CHST13: variants seen among roughly 807,000 people sequenced by gnomAD.
The protein encoded by CHST13 is carbohydrate sulfotransferase 13.
Under a neutral mutation model 7.0 loss-of-function variants are expected in CHST13, and 1 was observed. The ratio of observed to expected loss-of-function variants is 0.14; its 90% CI spans 0.05 to 0.68. The LOEUF is 0.68. CHST13 is among the 30% of genes least tolerant of loss of function. The pLI is 0.82. For missense variants in CHST13, 572 were observed against 507.9 expected, an observed-to-expected ratio of 1.13 and a Z score of -1.21; for synonymous variants, 257 against 240.9, an observed-to-expected ratio of 1.07 and a Z score of -0.62.
chr3:126,535,792 G>A (rs1268795696), intron 1 of CHST13, among the ~76,000 whole-genome samples: 2 of 152,272 alleles, frequency 1.3e-5, no homozygotes, highest in African/African-American at 4.8e-5. Context: ...GCCTAGCAAG[G>A]TGGCACTGAG....
intron 1 of CHST13, among the ~76,000 whole-genome samples, chr3:126,528,491 G>C (rs990772398): frequency 2.6e-5 from 4 of 152,194 alleles, no homozygotes; most frequent in Admixed American, 1.3e-4. Flanking sequence ...AGGGATTGCT[G>C]CAAGGAGTGA....
At chr3:126,539,539 ACACACACCG>A (rs1164515501) in intron 2 of CHST13, among the ~76,000 whole-genome samples, 11 of 144,030 alleles carry the variant, frequency 7.6e-5, no homozygotes, top group African/African-American at 2.6e-4. Context: ...TGCACACACC[ACACACACCG>A]CACACACACT....
At chr3:126,537,610 C>T (rs1033321459) in intron 2 of CHST13, among the ~76,000 whole-genome samples, 1 of 152,184 alleles carries the variant, frequency 6.6e-6, no homozygotes, top group African/African-American at 2.4e-5. Flanking sequence ...AGCAGGCTGA[C>T]GGTAGGACAG....
At chr3:126,525,887 A>G (rs945833432) in intron 1 of CHST13, among the ~76,000 whole-genome samples, 4 of 152,000 alleles carry the variant, frequency 2.6e-5, no homozygotes, top group African/African-American at 9.7e-5. Context: ...GGTACTAGTC[A>G]CCTTCTGGGC....
Position 126,542,555 on chromosome 3 carries a change from C to T in CHST13, c.1003C>T (p.Pro335Ser). ...MDFLLFNYSA[P>S]SYLRLL is the part of the protein sequence containing the mutation. ...CTTCCTGCTTTTCAACTACTCCGCC[C>T]CCTCCTACCTGCGGCTGCTCTAGCG... Residue 335 changes from proline to serine, a missense_variant, in exon 3 of 3, where the codon CCC (proline) becomes TCC (serine). Pro to Ser is a moderately conservative substitution (Grantham distance 74). Transcript: ENST00000319340. 1 of 1,509,884 alleles carries T rather than the reference C, an allele frequency of 6.6e-7. No homozygotes were observed. 93.5% of individuals were successfully genotyped at this position (1,509,884 alleles called of 1,614,324 possible).
At chr3:126,541,632 C>G (rs1050229893) in intron 2 of CHST13, 101 bp from the exon 3 acceptor site, 4 of 1,172,632 alleles carry the variant, frequency 3.4e-6, no homozygotes, top group Non-Finnish European at 4.5e-6. Context: ...GGCGCAGCTC[C>G]TGCTCCCAAT....
chr3:126,526,344 C>T (rs1936536059), intron 1 of CHST13, among the ~76,000 whole-genome samples: 1 of 152,214 alleles, frequency 6.6e-6, no homozygotes, highest in African/African-American at 2.4e-5. Context: ...TGGAAATGGC[C>T]TCACGAGGGC....
At chr3:126,527,607 A>C (rs1054182782) in intron 1 of CHST13, 8 of 152,472 alleles carry the variant, frequency 5.2e-5, no homozygotes, top group Non-Finnish European at 1.2e-4. Context: ...GGACAGGCCT[A>C]GGCCACATGC....
Position 126,542,509 on chromosome 3 carries a change from C to T in CHST13, c.957C>T (p.Leu319=), listed in dbSNP as rs756306340. 6.4e-7 allele frequency: 1 copy of T among 1,568,822 alleles called. No homozygotes were observed. Among genetic ancestry groups the T allele is most frequent in the South Asian group, 1.2e-5 (1 of 84,244 alleles). Reference sequence around the variant, plus strand: ...TCAGCCCCTTCTACCAGCGGCGCCTCTTCGACCTCTACAAGATGGACTTCC... The same window carrying T: ...TCAGCCCCTTCTACCAGCGGCGCCTTTTCGACCTCTACAAGATGGACTTCC... ...RDISPFYQRR[L]FDLYKMDFLL... The change falls in exon 3 of 3, where the codon CTC becomes CTT. Residue 319 remains leucine, a synonymous_variant. Coordinates refer to ENST00000319340, the MANE Select transcript of CHST13 (RefSeq NM_152889.3).
chr3:126,541,803 A>G lies in CHST13; in HGVS notation c.251A>G (p.His84Arg), dbSNP rs772759411. The change falls in exon 3 of 3, where the codon CAC becomes CGC. Residue 84 changes from histidine (H) to arginine (R), a missense_variant. Physicochemically the swap from His to Arg is conservative, Grantham distance 29. Coordinates refer to ENST00000319340, the MANE Select transcript of CHST13 (RefSeq NM_152889.3). ...RDLLNSACSR[H>R]SRRQRLLQPE... Reference sequence around the variant, plus strand: ...CTGCTGAACAGCGCCTGTAGCCGCCACTCACGCCGGCAGCGCCTGCTACAG... The same window carrying G: ...CTGCTGAACAGCGCCTGTAGCCGCCGCTCACGCCGGCAGCGCCTGCTACAG... 42 of 1,552,520 alleles carry G rather than the reference A, an allele frequency of 2.7e-5. No individual in the cohort carries two copies. Among genetic ancestry groups the G allele is most frequent in the Non-Finnish European group, 3.3e-5 (38 of 1,150,152 alleles).
In CHST13 at chr3:126,541,975, A is replaced by G; in HGVS notation, c.423A>G (p.Gln141=). The change falls in exon 3 of 3, where the codon CAA becomes CAG. Residue 141 remains glutamine, a synonymous_variant. Coordinates refer to ENST00000319340, the MANE Select transcript of CHST13 (RefSeq NM_152889.3). ...ARGDPRAISA[Q]EAHAPGRLPS... ...GCGACCCGCGCGCCATCTCCGCGCA[A>G]GAGGCGCACGCGCCTGGCCGCCTGC... 1.3e-6 allele frequency: 2 copies of G among 1,578,562 alleles called. No individual in the cohort carries two copies. Among genetic ancestry groups the G allele is most frequent in the Non-Finnish European group, 1.7e-6 (2 of 1,165,354 alleles).
intron 1 of CHST13, among the ~76,000 whole-genome samples, chr3:126,529,841 C>A (rs541028776): frequency 2.0e-5 from 3 of 152,218 alleles, no homozygotes; most frequent in Non-Finnish European, 4.4e-5. Context: ...GCAGTCACCG[C>A]GTGGCTTTCC....
chr3:126,536,423 C>T (rs551179629), intron 2 of CHST13, 70 bp downstream of exon 2: 10 of 1,217,546 alleles, frequency 8.2e-6, no homozygotes, highest in Non-Finnish European at 1.2e-5. Flanking sequence ...AGCAACAGTG[C>T]AGACCTGCTG....
chr3:126,538,557 G>T (rs769395841), intron 2 of CHST13, among the ~76,000 whole-genome samples: 1 of 152,238 alleles, frequency 6.6e-6, no homozygotes, highest in African/African-American at 2.4e-5. Context: ...AGCCGGGGTC[G>T]GCCAGCAAGG....
At chr3:126,539,558 T>C (rs1170600652) in intron 2 of CHST13, among the ~76,000 whole-genome samples, 1 of 60,696 alleles carries the variant, frequency 1.6e-5, no homozygotes, top group African/African-American at 6.9e-5. Context: ...GCACACACAC[T>C]GCACACACAC....
intron 1 of CHST13, among the ~76,000 whole-genome samples, chr3:126,535,531 C>T (rs544879972): frequency 6.6e-5 from 8 of 121,476 alleles, no homozygotes; most frequent in Non-Finnish European, 1.2e-4. Flanking sequence ...GGGAGACACA[C>T]AGACAGCATC....
intron 1 of CHST13, among the ~76,000 whole-genome samples, chr3:126,525,892 C>T (rs1936527952): frequency 6.6e-6 from 1 of 152,184 alleles, no homozygotes; most frequent in Non-Finnish European, 1.5e-5. Flanking sequence ...TAGTCACCTT[C>T]TGGGCTTTGT....
In CHST13 at chr3:126,541,637, C is replaced by T. The variant is rs536705182; in HGVS notation, c.181-96C>T. The T allele has an allele frequency of 9.0e-5, 109 of 1,212,724 alleles. 2 individuals are homozygous for T. The South Asian group carries it at 1.7e-3, about 19-fold the overall frequency. The allele number at this position is 1,212,724 out of a possible 1,614,324, so 75.1% of individuals were successfully genotyped here. ...TTGGGTGCCCGGCGCAGCTCCTGCT[C>T]CCAATTCCCGGGCGCATCCCGCCGG... On this transcript the variant is annotated intron_variant, in intron 2 of 2. Coordinates refer to ENST00000319340, the MANE Select transcript of CHST13 (RefSeq NM_152889.3).
At chr3:126,533,184 A>C (rs1936694012) in intron 1 of CHST13, among the ~76,000 whole-genome samples, 1 of 152,166 alleles carries the variant, frequency 6.6e-6, no homozygotes, top group Non-Finnish European at 1.5e-5. Flanking sequence ...TGAATAGACA[A>C]AGTTTTACTT....
Sources: allele counts gnomAD v4.1 joint callset (sites outside exome capture counted in the v4.1 genomes callset), GRCh38; gene constraint gnomAD v4.1.1; transcripts MANE v1.5; gene names NCBI Gene and HGNC (gene_info 2026-07-23, HGNC 2026-07-21).